The following CSNK2A2IP variants were observed in gnomAD, a reference collection of about 807,000 sequenced individuals.
CSNK2A2IP encodes casein kinase 2 subunit alpha' interacting protein, also known as casein kinase II subunit alpha'-interacting protein.
the CSNK2A2IP span, among the ~76,000 whole-genome samples, chr3:88,347,105 C>T: frequency 1.3e-5 from 2 of 151,844 alleles, no homozygotes; most frequent in Non-Finnish European, 2.9e-5. Context: ...AGAAATGGAG[C>T]CTGAAGATAT....
At chr3:88,365,059 G>T in the CSNK2A2IP span, among the ~76,000 whole-genome samples, 4 of 152,082 alleles carry the variant, frequency 2.6e-5, no homozygotes, top group African/African-American at 7.2e-5. Context: ...ACACAGCTAG[G>T]AAGTGTCTGA....
At chr3:88,418,434 G>A in the CSNK2A2IP span, among the ~76,000 whole-genome samples, 25 of 96,534 alleles carry the variant, frequency 2.6e-4, no homozygotes, top group East Asian at 8.3e-3. Flanking sequence ...GGAACTGAAT[G>A]TCAGTGTGTG....
the CSNK2A2IP span, among the ~76,000 whole-genome samples, chr3:88,428,323 C>T: frequency 1.3e-5 from 2 of 152,132 alleles, no homozygotes; most frequent in Non-Finnish European, 2.9e-5. Context: ...AGGGACTTGC[C>T]TTGTCTCAGA....
the CSNK2A2IP span, among the ~76,000 whole-genome samples, chr3:88,450,116 G>A: frequency 8.6e-5 from 13 of 151,564 alleles, no homozygotes; most frequent in Non-Finnish European, 1.5e-4. Context: ...TGATCCTCCC[G>A]CCTCAGCCTC....
At chr3:88,355,303 G>GT in the CSNK2A2IP span, among the ~76,000 whole-genome samples, 13 of 152,198 alleles carry the variant, frequency 8.5e-5, no homozygotes, top group East Asian at 1.9e-4. Context: ...AATGAAGAAA[G>GT]TTTTTTTGTT....
At chr3:88,343,915 A>G in the CSNK2A2IP span, among the ~76,000 whole-genome samples, 1 of 151,964 alleles carries the variant, frequency 6.6e-6, no homozygotes, top group Admixed American at 6.6e-5. Flanking sequence ...TTCACAATAA[A>G]TCATCTAGGT....
the CSNK2A2IP span, among the ~76,000 whole-genome samples, chr3:88,459,556 T>TTCTTC: frequency 6.6e-6 from 1 of 152,140 alleles, no homozygotes; most frequent in East Asian, 1.9e-4. Flanking sequence ...TTGTTTTGTT[T>TTCTTC]TCTTCTTTAA....
At chr3:88,395,325 A>T in the CSNK2A2IP span, among the ~76,000 whole-genome samples, 1 of 152,132 alleles carries the variant, frequency 6.6e-6, no homozygotes, top group Non-Finnish European at 1.5e-5. Context: ...TAATTCTATG[A>T]TCCATTTCAG....
the CSNK2A2IP span, among the ~76,000 whole-genome samples, chr3:88,423,117 T>C: frequency 6.6e-6 from 1 of 152,208 alleles, no homozygotes; most frequent in Non-Finnish European, 1.5e-5. Context: ...TTTTCTTAGA[T>C]GTTATGTCCA....
chr3:88,373,695 C>T, the CSNK2A2IP span, among the ~76,000 whole-genome samples: 19 of 148,044 alleles, frequency 1.3e-4, no homozygotes, highest in East Asian at 3.7e-3. Context: ...TGGAGAAATG[C>T]AATAAAGCCA....
the CSNK2A2IP span, among the ~76,000 whole-genome samples, chr3:88,383,270 A>T: frequency 6.6e-6 from 1 of 152,224 alleles, no homozygotes; most frequent in African/African-American, 2.4e-5. Context: ...CATTGTAGAA[A>T]CATTATGGAC....
the CSNK2A2IP span, among the ~76,000 whole-genome samples, chr3:88,370,242 A>T: frequency 6.6e-6 from 1 of 151,940 alleles, no homozygotes; most frequent in Admixed American, 6.6e-5. Flanking sequence ...GCCATAGTAA[A>T]CTATATGCAT....
At chr3:88,340,007 C>T in the CSNK2A2IP span, among the ~76,000 whole-genome samples, 1 of 151,958 alleles carries the variant, frequency 6.6e-6, no homozygotes, top group Non-Finnish European at 1.5e-5. Context: ...TCCTTAAGAA[C>T]TGGATGTACA....
At chr3:88,466,559 C>T in the CSNK2A2IP span, 7 of 1,231,594 alleles carry the variant, frequency 5.7e-6, no homozygotes, top group East Asian at 9.5e-5. Flanking sequence ...TTTCAGTTTT[C>T]TCCAAAGACA....
At chr3:88,414,195 GTATA>G in the CSNK2A2IP span, among the ~76,000 whole-genome samples, 1 of 132,952 alleles carries the variant, frequency 7.5e-6, no homozygotes, top group African/African-American at 2.8e-5. Context: ...ACATATATAT[GTATA>G]TATATATATA....
chr3:88,413,553 T>C, the CSNK2A2IP span, among the ~76,000 whole-genome samples: 1 of 151,954 alleles, frequency 6.6e-6, no homozygotes, highest in Non-Finnish European at 1.5e-5. Flanking sequence ...AGGAGTGACA[T>C]ATACTTTTAG....
chr3:88,443,528 G>C, the CSNK2A2IP span, among the ~76,000 whole-genome samples: 3 of 152,138 alleles, frequency 2.0e-5, no homozygotes, highest in African/African-American at 7.2e-5. Context: ...AGTCAGGAGA[G>C]AGCCGAGGAG....
the CSNK2A2IP span, among the ~76,000 whole-genome samples, chr3:88,397,132 A>T: frequency 6.6e-6 from 1 of 152,198 alleles, no homozygotes; most frequent in Non-Finnish European, 1.5e-5. Context: ...TTACCGCCCA[A>T]TAGGAAATAG....
At chr3:88,396,337 C>T in the CSNK2A2IP span, among the ~76,000 whole-genome samples, 1 of 151,886 alleles carries the variant, frequency 6.6e-6, no homozygotes, top group African/African-American at 2.4e-5. Context: ...GATCTCCTGA[C>T]CTCGTGATCC....
Sources: allele counts gnomAD v4.1 joint callset (sites outside exome capture counted in the v4.1 genomes callset), GRCh38; gene constraint gnomAD v4.1.1; transcripts MANE v1.5; gene names NCBI Gene and HGNC (gene_info 2026-07-23, HGNC 2026-07-21).